LIPC: variants seen among roughly 807,000 people sequenced by gnomAD.
LIPC encodes hepatic triacylglycerol lipase.
A neutral mutation model predicts 50.7 loss-of-function variants in LIPC; 44 were observed. The ratio of observed to expected loss-of-function variants is 0.87; its 90% CI spans 0.68 to 1.11. LIPC has a LOEUF of 1.11. Among genes scored for constraint, LIPC ranks in the 50% most tolerant of loss-of-function variants. LIPC has a pLI of 0.00. For synonymous variants in LIPC, 271 were observed against 256.4 expected (o/e 1.06, Z -0.54); for missense variants, 697 against 648.2 (o/e 1.08, Z -0.82).
intron 1 of LIPC, among the ~76,000 whole-genome samples, chr15:58,485,729 T>C (rs577553472): frequency 6.6e-6 from 1 of 152,246 alleles, no homozygotes; most frequent in African/African-American, 2.4e-5. Flanking sequence ...GCCCTGTCAT[T>C]TGTGGCATAA....
rs141760980 is a variant in LIPC at position 58,557,674 on chromosome 15, C to T, written c.1052-3190C>T. Among the ~76,000 whole-genome samples the T allele has an allele frequency of 2.5e-3, 374 of 152,214 alleles. 2 individuals carry two copies. The highest frequency in any genetic ancestry group is 8.4e-3 in the African/African-American group (347 of 41,538). On this transcript the variant is annotated intron_variant, in intron 6 of 8. Coordinates refer to ENST00000299022, the MANE Select transcript of LIPC (RefSeq NM_000236.3). ...TGCTGGGATTACAGGCGTGAGCCAC[C>T]GCGCCCGGCCTCATTATATGCTTTT... is the stretch of plus-strand genomic sequence containing the variant.
At chr15:58,438,372 T>C (rs6494006) in intron 1 of LIPC, among the ~76,000 whole-genome samples, 14,558 of 152,150 alleles carry the variant, frequency 0.096, 824 homozygotes, top group East Asian at 0.25. Context: ...ACAGCGATTC[T>C]CACAGCCAGG....
intron 6 of LIPC, among the ~76,000 whole-genome samples, chr15:58,554,858 C>T (rs1893879978): frequency 1.3e-5 from 2 of 152,198 alleles, no homozygotes; most frequent in African/African-American, 4.8e-5. Flanking sequence ...CAAAAAAGGG[C>T]AGTCATGCAA....
intron 1 of LIPC, among the ~76,000 whole-genome samples, chr15:58,447,316 T>C (rs1186991058): frequency 3.9e-5 from 6 of 152,138 alleles, no homozygotes; most frequent in Admixed American, 1.3e-4. Flanking sequence ...CTGAAATCGC[T>C]TGGACTCTCG....
At chr15:58,457,297 A>T (rs1255487692) in intron 1 of LIPC, among the ~76,000 whole-genome samples, 1 of 152,090 alleles carries the variant, frequency 6.6e-6, no homozygotes, top group Non-Finnish European at 1.5e-5. Flanking sequence ...TTTAGCAGAG[A>T]CAGGGTTTCT....
chr15:58,556,317 C>T (rs149884456), intron 6 of LIPC, among the ~76,000 whole-genome samples: 2 of 152,188 alleles, frequency 1.3e-5, no homozygotes, highest in Non-Finnish European at 2.9e-5. Flanking sequence ...TCCGAGATGG[C>T]CTTTGGGGAG....
intron 1 of LIPC, among the ~76,000 whole-genome samples, chr15:58,499,841 G>A (rs1387265404): frequency 6.6e-6 from 1 of 152,200 alleles, no homozygotes; most frequent in African/African-American, 2.4e-5. Context: ...CTGGGGAGGA[G>A]GTAAAGTGAT....
chr15:58,474,360 A>G (rs1243903133), intron 1 of LIPC, among the ~76,000 whole-genome samples: 1 of 152,152 alleles, frequency 6.6e-6, no homozygotes, highest in Non-Finnish European at 1.5e-5. Context: ...CCACAAAAAA[A>G]TACAAAATTT....
chr15:58,455,591 C>T (rs1284172513), intron 1 of LIPC, among the ~76,000 whole-genome samples: 1 of 152,140 alleles, frequency 6.6e-6, no homozygotes, highest in Non-Finnish European at 1.5e-5. Context: ...TCAATGTGTC[C>T]TTATTTCATT....
At chr15:58,551,509 C>G (rs532031116) in intron 6 of LIPC, among the ~76,000 whole-genome samples, 24 of 152,278 alleles carry the variant, frequency 1.6e-4, no homozygotes, top group Non-Finnish European at 2.6e-4. Context: ...CATCAGAGAA[C>G]ACAGAAATAA....
At chr15:58,449,636 G>A (rs750146951) in intron 1 of LIPC, among the ~76,000 whole-genome samples, 8 of 151,108 alleles carry the variant, frequency 5.3e-5, no homozygotes, top group Non-Finnish European at 7.4e-5. Flanking sequence ...TGCAAACTCC[G>A]CCTCCAGCTT....
At chr15:58,501,841 G>A (rs1445359905) in intron 1 of LIPC, among the ~76,000 whole-genome samples, 1 of 152,096 alleles carries the variant, frequency 6.6e-6, no homozygotes, top group Non-Finnish European at 1.5e-5. Context: ...TGCTATCTTG[G>A]AGCCTCTGCC....
intron 4 of LIPC, among the ~76,000 whole-genome samples, chr15:58,544,292 C>T (rs1267767795): frequency 4.6e-5 from 7 of 152,160 alleles, no homozygotes; most frequent in Non-Finnish European, 1.0e-4. Context: ...GGCCCACCCA[C>T]CTCAGAGACA....
intron 8 of LIPC, chr15:58,566,519 AT>A: frequency 1.1e-6 from 1 of 904,802 alleles, no homozygotes. Flanking sequence ...AAATCCCAGA[AT>A]CGGGATGGGA....
At chr15:58,515,709 T>C (rs1467408638) in intron 1 of LIPC, among the ~76,000 whole-genome samples, 2 of 151,818 alleles carry the variant, frequency 1.3e-5, no homozygotes, top group Non-Finnish European at 1.5e-5. Flanking sequence ...CTGAATTAGA[T>C]CTGGAGGAAA....
Position 58,558,371 on chromosome 15 carries a change from G to A in LIPC, c.1052-2493G>A, listed in dbSNP as rs574646334. Among the ~76,000 whole-genome samples, 8 of 152,288 alleles carry A rather than the reference G, an allele frequency of 5.3e-5. No homozygotes were observed. The South Asian group carries it at 1.0e-3, about 20-fold the overall frequency. On this transcript the variant is annotated intron_variant, in intron 6 of 8. Coordinates refer to ENST00000299022, the MANE Select transcript of LIPC (RefSeq NM_000236.3). ...AGGTGCAAGCCACCGTGCCCAGCCA[G>A]CTGTTTTCTTACTTCTCACCCACAG...
intron 1 of LIPC, among the ~76,000 whole-genome samples, chr15:58,447,082 G>T (rs1893722250): frequency 6.7e-6 from 1 of 149,830 alleles, no homozygotes; most frequent in Admixed American, 6.6e-5. Context: ...TAGGAGGGTG[G>T]AGGTTGCAGT....
intron 6 of LIPC, among the ~76,000 whole-genome samples, chr15:58,555,361 G>T (rs1422799717): frequency 6.6e-6 from 1 of 152,210 alleles, no homozygotes; most frequent in Non-Finnish European, 1.5e-5. Flanking sequence ...GTCAGAGCTG[G>T]CAGGCAGTTT....
intron 1 of LIPC, among the ~76,000 whole-genome samples, chr15:58,459,062 T>C (rs1437247190): frequency 6.6e-6 from 1 of 152,210 alleles, no homozygotes; most frequent in Non-Finnish European, 1.5e-5. Context: ...GTGCAATACA[T>C]TCCAAGAGGG....
Sources: allele counts gnomAD v4.1 joint callset (sites outside exome capture counted in the v4.1 genomes callset), GRCh38; gene constraint gnomAD v4.1.1; transcripts MANE v1.5; gene names NCBI Gene and HGNC (gene_info 2026-07-23, HGNC 2026-07-21).